The following ITPKA variants were observed in gnomAD, a reference collection of about 807,000 sequenced individuals.
ITPKA encodes the protein IP3 3-kinase A.
A neutral mutation model predicts 40.7 loss-of-function variants in ITPKA; 16 were observed. That is an observed-to-expected ratio of 0.39 (90% CI 0.27 to 0.60). The LOEUF is 0.60. Ranked by LOEUF, ITPKA falls within the 20% of genes least tolerant of loss-of-function variation. The probability of loss-of-function intolerance (pLI) is 0.50; values close to 1 mark genes in which losing one functional copy is unlikely to be tolerated. For synonymous variants in ITPKA, 313 were observed against 289.9 expected, an observed-to-expected ratio of 1.08 and a Z score of -0.81; for missense variants, 540 against 649.3, an observed-to-expected ratio of 0.83 and a Z score of 1.83.
chr15:41,501,298 A>C, intron 1 of ITPKA, 165 bp from the exon 2 acceptor site: 1 of 1,442,940 alleles, frequency 6.9e-7, no homozygotes, highest in Non-Finnish European at 9.1e-7. Context: ...CCCGCCACAC[A>C]GGCGCACAAA....
intron 1 of ITPKA, among the ~76,000 whole-genome samples, chr15:41,496,193 C>G (rs2051069417): frequency 1.3e-5 from 2 of 152,392 alleles, no homozygotes; most frequent in Admixed American, 6.5e-5. Flanking sequence ...GCCGCAGGTC[C>G]CAGAGCCGCA....
chr15:41,496,395 CGTAGT>C (rs1448172996), intron 1 of ITPKA, among the ~76,000 whole-genome samples: 1 of 152,180 alleles, frequency 6.6e-6, no homozygotes, highest in Non-Finnish European at 1.5e-5. Context: ...CTGGGGCATA[CGTAGT>C]CCCCTTCACC....
Position 41,494,056 on chromosome 15 carries a change from G to C in ITPKA, c.129G>C (p.Ala43=). ...GCCTGCTCTTCGAGGCGCGCTGTGCGGCGGTCGCTGCGGCCGCCGCCGCGG... is the reference window on the plus strand; with the variant it reads ...GCCTGCTCTTCGAGGCGCGCTGTGCCGCGGTCGCTGCGGCCGCCGCCGCGG... ...ELRLLFEARC[A]AVAAAAAAGE... is the part of the protein sequence containing the mutation. Residue 43 remains alanine (A), a synonymous_variant, in exon 1 of 7, where the codon GCG becomes GCC. Coordinates refer to ENST00000260386, the MANE Select transcript of ITPKA (RefSeq NM_002220.3). The surrounding 1 kb of genome is among the most constrained non-coding windows in gnomAD (Gnocchi z 7.8). The C allele has an allele frequency of 1.6e-6, 2 of 1,231,194 alleles. No homozygotes were observed. Among genetic ancestry groups the C allele is most frequent in the Non-Finnish European group, 2.0e-6 (2 of 988,622 alleles). The allele number at this position is 1,231,194 out of a possible 1,614,324, so 76.3% of individuals were successfully genotyped here. A position where few individuals can be genotyped will look rare whatever the true frequency, so the allele number is the denominator to read the frequency against.
At position 41,493,933 on chromosome 15, in the gene ITPKA, C is replaced by G; in HGVS notation, c.6C>G (p.Thr2=). The change falls in exon 1 of 7, where the codon ACC becomes ACG. Residue 2 remains threonine (T), a synonymous_variant. Transcript: ENST00000260386. M[T]LPGGPTGMAR... is the part of the protein sequence containing the mutation. ...GGCGGCGCCGGCACTGGGAAATGAC[C>G]CTGCCCGGGGGCCCAACGGGCATGG... 1 of 1,023,294 alleles carries G rather than the reference C, an allele frequency of 9.8e-7. No homozygotes were observed. Among genetic ancestry groups the G allele is most frequent in the Non-Finnish European group, 1.2e-6 (1 of 855,572 alleles). 63.4% of individuals were successfully genotyped at this position (1,023,294 alleles called of 1,614,324 possible).
rs200462418 is a variant in ITPKA at position 41,494,389 on chromosome 15, G to C, written c.462G>C (p.Gln154His). Residue 154 changes from glutamine (Q) to histidine (H), a missense_variant, in exon 1 of 7, where the codon CAG becomes CAC. By Grantham distance (24) the Gln-to-His change is conservative (BLOSUM62 0). Coordinates refer to ENST00000260386, the MANE Select transcript of ITPKA (RefSeq NM_002220.3). This position sits in a 1 kb window ranked among gnomAD's most constrained non-coding sequence, Gnocchi z 7.8. ...DSESRSRGNV[Q>H]LEAGEDVGQK... ...AGAGCCGGAGCCGCGGCAACGTGCA[G>C]CTGGAAGCGGGCGAGGACGTGGGTC... 2.0e-6 allele frequency: 3 copies of C among 1,488,148 alleles called. No homozygotes were observed. The African/African-American group carries it at 4.3e-5, about 21-fold the overall frequency. The allele number at this position is 1,488,148 out of a possible 1,614,324, so 92.2% of individuals were successfully genotyped here.
At chr15:41,502,343 C>A in intron 4 of ITPKA, 59 bp from the exon 5 acceptor site, 1 of 1,403,674 alleles carries the variant, frequency 7.1e-7, no homozygotes, top group Non-Finnish European at 1.0e-6. Flanking sequence ...CGCTGCTCTA[C>A]GCTGTCCTCT....
chr15:41,502,779 C>T lies in ITPKA; in HGVS notation c.1111-9C>T, dbSNP rs540253578. The T allele has an allele frequency of 2.5e-6, 4 of 1,602,858 alleles. No homozygotes were observed. The South Asian group carries it at 3.3e-5, about 13-fold the overall frequency. ...AATTTGCCCTCCTCTCCCACCCCAC[C>T]CTCTGCAGAGGCGGTATCTGAACCG... On this transcript the variant is annotated splice_polypyrimidine_tract_variant and intron_variant, in intron 5 of 6. Transcript: ENST00000260386.
At position 41,503,371 on chromosome 15, in the gene ITPKA, TGACACTAACTTATAGAA is replaced by T; in HGVS notation, c.*207_*223del. ...GGGCCCCAGCGTTCCCAGAGCCAAA[TGACACTAACTTATAGAA>T]GGGGAGGGGGCAAAGGGCTTCTTCC... is the stretch of plus-strand genomic sequence containing the variant. On this transcript the variant is annotated 3_prime_UTR_variant, in exon 7 of 7. Coordinates refer to ENST00000260386, the MANE Select transcript of ITPKA (RefSeq NM_002220.3). The T allele has an allele frequency of 1.7e-6, 1 of 595,766 alleles. No individual in the cohort carries two copies. Among genetic ancestry groups the T allele is most frequent in the South Asian group, 2.0e-5 (1 of 50,212 alleles). The allele number at this position is 595,766 out of a possible 1,614,324, so 36.9% of individuals were successfully genotyped here.
rs1254680849 is a variant in ITPKA at position 41,494,753 on chromosome 15, C to A, written c.489+337C>A. 2.0e-5 allele frequency among the ~76,000 whole-genome samples: 3 copies of A among 152,226 alleles called. No individual in the cohort carries two copies. Among genetic ancestry groups the A allele is most frequent in the African/African-American group, 7.2e-5 (3 of 41,462 alleles). On this transcript the variant is annotated intron_variant, in intron 1 of 6. Coordinates refer to ENST00000260386, the MANE Select transcript of ITPKA (RefSeq NM_002220.3). This position sits in a 1 kb window ranked among gnomAD's most constrained non-coding sequence, Gnocchi z 7.8. ...ACAGGAGGGATCGGAGGGGCTGAGCCTTGCCGGGTGAACCCTCGGAAGGAG... is the reference window on the plus strand; with the variant it reads ...ACAGGAGGGATCGGAGGGGCTGAGCATTGCCGGGTGAACCCTCGGAAGGAG...
rs1316136057 is a variant in ITPKA at position 41,503,014 on chromosome 15, G to A, written c.1234G>A (p.Val412Met). Residue 412 changes from valine (V) to methionine (M), a missense_variant, in exon 7 of 7, where the codon GTG becomes ATG. Physicochemically the swap from Val to Met is conservative, Grantham distance 21. Coordinates refer to ENST00000260386, the MANE Select transcript of ITPKA (RefSeq NM_002220.3). ...GCACGATCACTGCCATCGCGCCGGC[G>A]TGTGGCTCATCGACTTCGGCAAGAC... ...FVHDHCHRAG[V>M]WLIDFGKTTP... The A allele has an allele frequency of 6.2e-7, 1 of 1,609,072 alleles. No homozygotes were observed. The highest frequency in any genetic ancestry group is 1.3e-5 in the African/African-American group (1 of 74,870).
chr15:41,495,301 T>C (rs1295397394), intron 1 of ITPKA, among the ~76,000 whole-genome samples: 1 of 152,196 alleles, frequency 6.6e-6, no homozygotes, highest in African/African-American at 2.4e-5. Context: ...GGACTTTCTT[T>C]AGATCCACGT....
chr15:41,494,237 G>A lies in ITPKA; in HGVS notation c.310G>A (p.Asp104Asn), dbSNP rs749490354. The A allele has an allele frequency of 1.3e-6, 2 of 1,541,840 alleles. No homozygotes were observed. Among genetic ancestry groups the A allele is most frequent in the East Asian group, 2.4e-5 (1 of 41,016 alleles). Residue 104 changes from aspartate (D) to asparagine (N), a missense_variant, in exon 1 of 7, where the codon GAC (aspartate) becomes AAC (asparagine). By Grantham distance (23) the Asp-to-Asn change is conservative. Coordinates refer to ENST00000260386, the MANE Select transcript of ITPKA (RefSeq NM_002220.3). This position sits in a 1 kb window ranked among gnomAD's most constrained non-coding sequence, Gnocchi z 7.8. Reference protein sequence around the residue: ...TSPGPPERERDCLPAAGSSHL... With the variant: ...TSPGPPERERNCLPAAGSSHL... ...CCCTGGGCCGCCGGAGCGGGAGAGG[G>A]ACTGCCTCCCGGCAGCGGGCTCTTC... is the stretch of plus-strand genomic sequence containing the variant.
Position 41,502,503 on chromosome 15 carries a change from G to T in ITPKA, c.1110G>T (p.Leu370=). 1 of 1,544,934 alleles carries T rather than the reference G, an allele frequency of 6.5e-7. No homozygotes were observed. Among genetic ancestry groups the T allele is most frequent in the Non-Finnish European group, 8.9e-7 (1 of 1,118,308 alleles). The change falls in exon 5 of 7, where the codon CTG becomes CTT. Residue 370 remains leucine, a splice_region_variant and synonymous_variant. Transcript: ENST00000260386. ...EEFVQGDEEV[L]RRYLNRLQQI... ...TTGTGCAAGGAGATGAGGAAGTGCTGGTGAGAGCGGGATCCCAAACCCTGA... is the reference window on the plus strand; with the variant it reads ...TTGTGCAAGGAGATGAGGAAGTGCTTGTGAGAGCGGGATCCCAAACCCTGA...
chr15:41,498,708 A>G (rs894370792), intron 1 of ITPKA, among the ~76,000 whole-genome samples: 13 of 152,376 alleles, frequency 8.5e-5, no homozygotes, highest in Middle Eastern at 3.4e-3. Context: ...GCCATCCAGT[A>G]GAGAAGGGCC....
At position 41,503,269 on chromosome 15, in the gene ITPKA, C is replaced by T; in HGVS notation, c.*103C>T. 1 of 872,680 alleles carries T rather than the reference C, an allele frequency of 1.1e-6. No homozygotes were observed. The highest frequency in any genetic ancestry group is 1.7e-6 in the Non-Finnish European group (1 of 579,916). 54.1% of individuals were successfully genotyped at this position (872,680 alleles called of 1,614,324 possible). On this transcript the variant is annotated 3_prime_UTR_variant, in exon 7 of 7. Coordinates refer to ENST00000260386, the MANE Select transcript of ITPKA (RefSeq NM_002220.3). ...GAGACTGGAGCCCCGCGGTGCAGGGCAGTTCACCGGGTCCTGCAGGACCAG... is the reference window on the plus strand; with the variant it reads ...GAGACTGGAGCCCCGCGGTGCAGGGTAGTTCACCGGGTCCTGCAGGACCAG...
chr15:41,494,469 C>A lies in ITPKA; in HGVS notation c.489+53C>A. The stretch of plus-strand genomic sequence containing the variant: ...CCGGGCGCGGGGGCTGCACGGGGGA[C>A]CTGGCTGGGTGCTCCCGGAGGACCC... On this transcript the variant is annotated intron_variant, in intron 1 of 6. Transcript: ENST00000260386. The surrounding 1 kb of genome is among the most constrained non-coding windows in gnomAD (Gnocchi z 7.8). The A allele has an allele frequency of 8.0e-7, 1 of 1,246,632 alleles. No homozygotes were observed. Among genetic ancestry groups the A allele is most frequent in the Non-Finnish European group, 1.1e-6 (1 of 950,604 alleles). 77.2% of individuals were successfully genotyped at this position (1,246,632 alleles called of 1,614,324 possible).
chr15:41,503,079 G>A lies in ITPKA; in HGVS notation c.1299G>A (p.Arg433=), dbSNP rs370620794. The A allele has an allele frequency of 7.5e-6, 12 of 1,607,332 alleles. No homozygotes were observed. In the African/African-American group the frequency reaches 1.6e-4, roughly 21 times the overall value. The change falls in exon 7 of 7, where the codon CGG becomes CGA. Residue 433 remains arginine (R), a synonymous_variant. Transcript: ENST00000260386. ...LPDGQILDHR[R]PWEEGNREDG... ...ATGGCCAGATCCTGGACCACCGGCGGCCCTGGGAGGAGGGCAACCGCGAGG... is the reference window on the plus strand; with the variant it reads ...ATGGCCAGATCCTGGACCACCGGCGACCCTGGGAGGAGGGCAACCGCGAGG...
At chr15:41,498,749 C>G (rs1197015640) in intron 1 of ITPKA, among the ~76,000 whole-genome samples, 1 of 152,232 alleles carries the variant, frequency 6.6e-6, no homozygotes, top group Non-Finnish European at 1.5e-5. Context: ...CCCCAGAAGT[C>G]AAAACTCAGA....
At chr15:41,498,717 C>T (rs193234812) in intron 1 of ITPKA, among the ~76,000 whole-genome samples, 1 of 152,208 alleles carries the variant, frequency 6.6e-6, no homozygotes, top group Non-Finnish European at 1.5e-5. Context: ...TAGAGAAGGG[C>T]CCCCAGGCAG....
Sources: allele counts gnomAD v4.1 joint callset (sites outside exome capture counted in the v4.1 genomes callset), GRCh38; gene constraint gnomAD v4.1.1; non-coding constraint Gnocchi (gnomAD v3.1); transcripts MANE v1.5; gene names NCBI Gene and HGNC (gene_info 2026-07-23, HGNC 2026-07-21).